CDCP1: variants seen among roughly 807,000 people sequenced by gnomAD.
The protein encoded by CDCP1 is CUB domain-containing protein 1.
CDCP1 carries 29 observed loss-of-function variants against 60.2 expected under a neutral mutation model. The ratio of observed to expected loss-of-function variants is 0.48; its 90% CI spans 0.36 to 0.66. The LOEUF (loss-of-function observed/expected upper bound fraction) is 0.66. Ranked by LOEUF, CDCP1 falls within the 30% of genes least tolerant of loss-of-function variation. The probability of loss-of-function intolerance (pLI) is 0.00; values close to 1 mark genes in which losing one functional copy is unlikely to be tolerated. For missense variants in CDCP1, 876 were observed against 1,074.3 expected (o/e 0.82, Z 2.58); for synonymous variants, 387 against 431.1 (o/e 0.90, Z 1.27).
intron 4 of CDCP1, among the ~76,000 whole-genome samples, chr3:45,099,513 C>T (rs1698455629): frequency 6.6e-6 from 1 of 151,984 alleles, no homozygotes; most frequent in South Asian, 2.1e-4. Flanking sequence ...TGTGGTGGCC[C>T]CTTCCAGTTG....
At chr3:45,116,344 G>C (rs192714770) in intron 2 of CDCP1, among the ~76,000 whole-genome samples, 326 of 151,638 alleles carry the variant, frequency 2.1e-3, no homozygotes, top group Non-Finnish European at 3.4e-3. Context: ...TGATTAGCCA[G>C]GTGGTTTATG....
At chr3:45,101,886 C>CAAAAAA (rs34274441) in intron 4 of CDCP1, among the ~76,000 whole-genome samples, 1 of 110,706 alleles carries the variant, frequency 9.0e-6, no homozygotes. Flanking sequence ...AACTCCAGCT[C>CAAAAAA]AAAAAAAAAA....
At chr3:45,087,354 T>C (rs1698213175) in intron 8 of CDCP1, among the ~76,000 whole-genome samples, 1 of 152,208 alleles carries the variant, frequency 6.6e-6, no homozygotes. Flanking sequence ...AAGCAAGGCC[T>C]GTAGCAAGGC....
chr3:45,087,484 T>G (rs1698215091), intron 8 of CDCP1, among the ~76,000 whole-genome samples: 1 of 152,220 alleles, frequency 6.6e-6, no homozygotes, highest in Non-Finnish European at 1.5e-5. Context: ...AATGCCATGC[T>G]TCCCCAACTG....
At chr3:45,109,141 G>C (rs906850080) in intron 4 of CDCP1, among the ~76,000 whole-genome samples, 1 of 151,212 alleles carries the variant, frequency 6.6e-6, no homozygotes, top group Non-Finnish European at 1.5e-5. Flanking sequence ...GTAGGACGGG[G>C]TTTTGCCACG....
chr3:45,117,961 C>T (rs904765550), intron 2 of CDCP1, among the ~76,000 whole-genome samples: 15 of 152,170 alleles, frequency 9.9e-5, no homozygotes, highest in African/African-American at 3.6e-4. Context: ...CACGCCCGGC[C>T]TCTCCTCAAC....
chr3:45,112,830 T>C (rs1260112562), intron 2 of CDCP1, among the ~76,000 whole-genome samples: 1 of 152,214 alleles, frequency 6.6e-6, no homozygotes, highest in Non-Finnish European at 1.5e-5. Flanking sequence ...GAGCTCCCCA[T>C]GGGGTCAGGC....
rs749757404 is a variant in CDCP1 at position 45,085,805 on chromosome 3, T to C, written c.2344A>G (p.Arg782Gly). 43 of 1,613,996 alleles carry C rather than the reference T, an allele frequency of 2.7e-5. No individual in the cohort carries two copies. Among genetic ancestry groups the C allele is most frequent in the Non-Finnish European group, 3.1e-5 (37 of 1,180,034 alleles). ...GTGGCCAACTTTGCAGTTGGGGCCC[T>C]GGAGCATATGGTGGGTGGGGAGGGA... ...CPPSPPTICSRAPTAKLATEE... is the reference protein window; with the variant it reads ...CPPSPPTICSGAPTAKLATEE... Residue 782 changes from arginine (R) to glycine (G), a missense_variant, in exon 9 of 9, where the codon AGG becomes GGG. Arg to Gly is a moderately radical substitution (Grantham distance 125). This residue lies in a region of CDCP1 where 726 missense variants were observed against 935.7 expected (regional missense o/e 0.78). Coordinates refer to ENST00000296129, the MANE Select transcript of CDCP1 (RefSeq NM_022842.5). The surrounding 1 kb of genome is among the most constrained non-coding windows in gnomAD (Gnocchi z 4.2).
intron 1 of CDCP1, among the ~76,000 whole-genome samples, chr3:45,141,111 G>A (rs1374768314): frequency 6.6e-6 from 1 of 152,072 alleles, no homozygotes; most frequent in Non-Finnish European, 1.5e-5. Context: ...TGAGGCATGA[G>A]AATCACTTGA....
chr3:45,116,045 G>A (rs1322080009), intron 2 of CDCP1, among the ~76,000 whole-genome samples: 3 of 151,860 alleles, frequency 2.0e-5, no homozygotes, highest in Non-Finnish European at 4.4e-5. Flanking sequence ...GGTGACCAAG[G>A]GCATGCATAA....
Position 45,085,613 on chromosome 3 carries a change from A to G in CDCP1, c.*25T>C. 1.3e-6 allele frequency: 2 copies of G among 1,585,082 alleles called. No individual in the cohort carries two copies. Among genetic ancestry groups the G allele is most frequent in the Non-Finnish European group, 1.7e-6 (2 of 1,162,496 alleles). On this transcript the variant is annotated 3_prime_UTR_variant, in exon 9 of 9. Transcript: ENST00000296129. The surrounding 1 kb of genome is among the most constrained non-coding windows in gnomAD (Gnocchi z 4.2). ...CTCAGTGCCCTGCTTTATGAAACTC[A>G]GCAAAGCGTCTGGAATGGATCAAGT...
chr3:45,110,359 A>G, intron 4 of CDCP1, 114 bp downstream of exon 4: 1 of 1,480,520 alleles, frequency 6.8e-7, no homozygotes, highest in Non-Finnish European at 9.0e-7. Context: ...CCAGAGTCTA[A>G]GTGTTTCAGA....
chr3:45,105,494 T>C (rs1698547272), intron 4 of CDCP1, among the ~76,000 whole-genome samples: 1 of 152,156 alleles, frequency 6.6e-6, no homozygotes, highest in Non-Finnish European at 1.5e-5. Context: ...TGTAACACAC[T>C]GGAAATGCAC....
chr3:45,131,201 T>TAA (rs199565487), intron 1 of CDCP1, among the ~76,000 whole-genome samples: 2 of 144,392 alleles, frequency 1.4e-5, no homozygotes, highest in Non-Finnish European at 3.1e-5. Context: ...TTATTGTGGT[T>TAA]AAAAAAAAAA....
At chr3:45,136,041 G>C (rs1699185636) in intron 1 of CDCP1, among the ~76,000 whole-genome samples, 1 of 152,176 alleles carries the variant, frequency 6.6e-6, no homozygotes, top group Non-Finnish European at 1.5e-5. Flanking sequence ...TCCTTGGAGA[G>C]CAAGAGATAA....
chr3:45,145,557 T>G (rs572692560), intron 1 of CDCP1, among the ~76,000 whole-genome samples: 1 of 152,104 alleles, frequency 6.6e-6, no homozygotes, highest in African/African-American at 2.4e-5. Flanking sequence ...GAATGTCCAG[T>G]CTCTGCGGTG....
chr3:45,126,114 C>CTTTCTT (rs1698981116), intron 1 of CDCP1, among the ~76,000 whole-genome samples: 1 of 102,818 alleles, frequency 9.7e-6, no homozygotes, highest in African/African-American at 4.9e-5. Flanking sequence ...CTCTCTCTTT[C>CTTTCTT]TTTCTTTCTT....
intron 3 of CDCP1, 62 bp downstream of exon 3, chr3:45,112,021 C>T (rs1206807566): frequency 1.9e-6 from 3 of 1,563,296 alleles, no homozygotes; most frequent in South Asian, 2.4e-5. Flanking sequence ...CATTTCTGAC[C>T]TAGAACAATG....
chr3:45,096,680 G>A (rs1698405233), intron 4 of CDCP1, among the ~76,000 whole-genome samples: 1 of 130,596 alleles, frequency 7.7e-6, no homozygotes, highest in Non-Finnish European at 1.7e-5. Flanking sequence ...TATAAATATT[G>A]AGCAGAACAG....
Sources: gnomAD v4.1 joint callset for allele counts (sites outside exome capture counted in the v4.1 genomes callset) on GRCh38, gnomAD v4.1.1 for gene constraint, gnomAD v4.1.1 regional missense constraint, Gnocchi (gnomAD v3.1) non-coding constraint, MANE v1.5 for transcripts, NCBI Gene and HGNC (gene_info 2026-07-23, HGNC 2026-07-21) for gene names.